The following DLG2 variants were observed in gnomAD, a reference collection of about 807,000 sequenced individuals.
The protein encoded by DLG2 is discs large MAGUK scaffold protein 2, also known as disks large homolog 2.
Under a neutral mutation model 132.5 loss-of-function variants are expected in DLG2, and 45 were observed. That is an observed-to-expected ratio of 0.34 (90% confidence interval 0.27 to 0.44). DLG2 has a LOEUF of 0.44. Among genes scored for constraint, DLG2 ranks in the 20% least tolerant of loss-of-function variants. DLG2 has a pLI of 1.00. For missense variants in DLG2, 1,045 were observed against 1,196.9 expected (o/e 0.87, Z 1.87); for synonymous variants, 424 against 419.6 (o/e 1.01, Z -0.13).
rs149474990 is a variant in DLG2, at chr11:85,527,180, T to A, written c.40+71477A>T. ...TTTTGCCTAAAGGATGTTTTTATTT[T>A]TTTTTTTTTTTATTTTACTTTAAGT... On this transcript the variant is annotated intron_variant, in intron 3 of 27. Transcript: ENST00000376104. Among the ~76,000 whole-genome samples, 588 of 150,538 alleles carry A rather than the reference T, an allele frequency of 3.9e-3. 1 individual carries two copies. Among genetic ancestry groups the A allele is most frequent in the African/African-American group, 6.5e-3 (267 of 41,026 alleles).
intron 7 of DLG2, among the ~76,000 whole-genome samples, chr11:84,380,466 T>C (rs2098745441): frequency 6.6e-6 from 1 of 152,020 alleles, no homozygotes; most frequent in Admixed American, 6.6e-5. Context: ...TTTGAAAACA[T>C]ATATATTTTT....
intron 7 of DLG2, among the ~76,000 whole-genome samples, chr11:84,380,063 T>C (rs954312813): frequency 6.6e-6 from 1 of 152,078 alleles, no homozygotes; most frequent in African/African-American, 2.4e-5. Flanking sequence ...AACTAGAATT[T>C]TGTTGCCATG....
intron 7 of DLG2, among the ~76,000 whole-genome samples, chr11:84,439,879 G>A (rs1265645841): frequency 6.6e-6 from 1 of 152,122 alleles, no homozygotes; most frequent in Admixed American, 6.5e-5. Context: ...ACAATAAAGA[G>A]GTGAGACAAA....
At chr11:83,503,587 G>A (rs1207585317) in intron 21 of DLG2, among the ~76,000 whole-genome samples, 1 of 151,534 alleles carries the variant, frequency 6.6e-6, no homozygotes, top group East Asian at 1.9e-4. Flanking sequence ...GATGTTCAAG[G>A]GTAGGAAGCA....
chr11:84,443,033 T>C (rs552254322), intron 7 of DLG2, among the ~76,000 whole-genome samples: 1 of 152,288 alleles, frequency 6.6e-6, no homozygotes. Flanking sequence ...AATACCCAGT[T>C]ATAGATAAGT....
intron 16 of DLG2, among the ~76,000 whole-genome samples, chr11:83,867,099 A>G (rs1223958543): frequency 1.3e-5 from 2 of 152,192 alleles, no homozygotes; most frequent in African/African-American, 4.8e-5. Context: ...CCAAAACCTC[A>G]GAAATCATAT....
intron 6 of DLG2, among the ~76,000 whole-genome samples, chr11:84,935,965 T>A (rs1455367272): frequency 6.6e-6 from 1 of 152,222 alleles, no homozygotes; most frequent in African/African-American, 2.4e-5. Flanking sequence ...TAGCCCTTAC[T>A]AAAATTTAAA....
chr11:85,263,458 G>A (rs1261118183), intron 4 of DLG2, among the ~76,000 whole-genome samples: 1 of 152,160 alleles, frequency 6.6e-6, no homozygotes, highest in East Asian at 1.9e-4. Context: ...TAGGGATTGA[G>A]GACTTTTGAC....
intron 7 of DLG2, among the ~76,000 whole-genome samples, chr11:84,356,627 A>G (rs1229689383): frequency 1.3e-5 from 2 of 152,084 alleles, no homozygotes; most frequent in East Asian, 3.9e-4. Context: ...TAAAATATAT[A>G]AAGAGCTTAG....
chr11:83,859,889 C>T (rs1281987353), intron 16 of DLG2, among the ~76,000 whole-genome samples: 2 of 152,128 alleles, frequency 1.3e-5, no homozygotes, highest in East Asian at 3.9e-4. Context: ...GCCCTGCATC[C>T]CAGCCACTCC....
chr11:85,387,644 A>G lies in DLG2; in HGVS notation c.41-102279T>C, dbSNP rs146786331. ...ATTTTGTTTAGGACCTCAATAATGG[A>G]TCAATGAGTATCAGCTAATTTCTGA... On this transcript the variant is annotated intron_variant, in intron 3 of 27. Coordinates refer to ENST00000376104, the MANE Select transcript of DLG2 (RefSeq NM_001142699.3). Among the ~76,000 whole-genome samples the G allele has an allele frequency of 2.5e-3, 382 of 152,346 alleles. 5 individuals are homozygous for G. The highest frequency in any genetic ancestry group is 8.8e-3 in the African/African-American group (367 of 41,592).
At chr11:84,538,641 C>T (rs1320442042) in intron 6 of DLG2, among the ~76,000 whole-genome samples, 1 of 151,806 alleles carries the variant, frequency 6.6e-6, no homozygotes, top group Non-Finnish European at 1.5e-5. Context: ...ATCATGCACA[C>T]ATGAAATCTC....
intron 6 of DLG2, among the ~76,000 whole-genome samples, chr11:84,579,499 G>A (rs2099511402): frequency 6.6e-6 from 1 of 152,158 alleles, no homozygotes; most frequent in Non-Finnish European, 1.5e-5. Context: ...GAAAAGAGGA[G>A]AGGGAGAACA....
intron 7 of DLG2, among the ~76,000 whole-genome samples, chr11:84,318,100 A>T (rs1239652487): frequency 6.6e-6 from 1 of 152,206 alleles, no homozygotes; most frequent in Non-Finnish European, 1.5e-5. Flanking sequence ...AAAGTGAAAG[A>T]TGCATCCAAC....
intron 3 of DLG2, among the ~76,000 whole-genome samples, chr11:85,437,590 A>G (rs1268227382): frequency 2.0e-5 from 3 of 152,146 alleles, no homozygotes; most frequent in African/African-American, 7.2e-5. Context: ...TACTCAAAAA[A>G]AGAGTCTATA....
At position 84,506,937 on chromosome 11, in the gene DLG2, A is replaced by T. The variant is rs73509120; in HGVS notation, c.519+27633T>A. Reference sequence around the variant, plus strand: ...CATGGGGCAACCATGGCTTAAAGGTATTAGTTGGCTAAGGTCATTCTACTT... The same window carrying T: ...CATGGGGCAACCATGGCTTAAAGGTTTTAGTTGGCTAAGGTCATTCTACTT... On this transcript the variant is annotated intron_variant, in intron 7 of 27. Transcript: ENST00000376104. Among the ~76,000 whole-genome samples, 205 of 152,310 alleles carry T rather than the reference A, an allele frequency of 1.3e-3. 1 individual carries two copies. The highest frequency in any genetic ancestry group is 4.8e-3 in the African/African-American group (198 of 41,566).
intron 6 of DLG2, among the ~76,000 whole-genome samples, chr11:85,108,160 T>G (rs1286854901): frequency 6.6e-6 from 1 of 152,000 alleles, no homozygotes; most frequent in Non-Finnish European, 1.5e-5. Flanking sequence ...TAAAATGAAC[T>G]TGGGGCAAAT....
intron 7 of DLG2, among the ~76,000 whole-genome samples, chr11:84,318,278 G>A (rs914489041): frequency 1.8e-4 from 27 of 152,158 alleles, no homozygotes; most frequent in African/African-American, 6.3e-4. Context: ...GAAGTGAAAG[G>A]CTAATTGCCA....
intron 3 of DLG2, among the ~76,000 whole-genome samples, chr11:85,317,612 A>G (rs1388308481): frequency 6.6e-6 from 1 of 151,852 alleles, no homozygotes; most frequent in Non-Finnish European, 1.5e-5. Flanking sequence ...CCAAGGAAAG[A>G]ATTGAGCATT....
Sources: allele counts gnomAD v4.1 joint callset (sites outside exome capture counted in the v4.1 genomes callset), GRCh38; gene constraint gnomAD v4.1.1; transcripts MANE v1.5; gene names NCBI Gene and HGNC (gene_info 2026-07-23, HGNC 2026-07-21).